Variants in ARHGEF3 observed in about 807,000 individuals in gnomAD.
ARHGEF3 encodes the protein 59.8 kDA protein.
In ARHGEF3, 28 loss-of-function variants were observed where a neutral mutation model predicts 63.2. That is an observed-to-expected ratio of 0.44 (90% CI 0.33 to 0.61). The LOEUF (loss-of-function observed/expected upper bound fraction) is 0.61. ARHGEF3 is among the 20% of genes least tolerant of loss of function. The pLI is 0.03. For synonymous variants in ARHGEF3, 266 were observed against 254.2 expected (o/e 1.05, Z -0.44); for missense variants, 533 against 659.3 (o/e 0.81, Z 2.10).
intron 4 of ARHGEF3, among the ~76,000 whole-genome samples, chr3:56,815,525 G>T (rs2038236546): frequency 6.6e-6 from 1 of 152,138 alleles, no homozygotes. Context: ...GTACTCATTT[G>T]TCAAGAAATG....
intron 3 of ARHGEF3, among the ~76,000 whole-genome samples, chr3:56,918,220 G>A (rs2042034282): frequency 6.6e-6 from 1 of 152,192 alleles, no homozygotes; most frequent in African/African-American, 2.4e-5. Context: ...AATGCGGGAG[G>A]CTCCATCACC....
intron 2 of ARHGEF3, among the ~76,000 whole-genome samples, chr3:56,977,972 C>T (rs1411097495): frequency 6.6e-6 from 1 of 152,072 alleles, no homozygotes; most frequent in Admixed American, 6.6e-5. Context: ...CCTTCCAGCT[C>T]AACAGCCTGA....
intron 4 of ARHGEF3, among the ~76,000 whole-genome samples, chr3:56,838,735 C>T (rs934517177): frequency 1.3e-5 from 2 of 152,084 alleles, no homozygotes; most frequent in African/African-American, 4.8e-5. Flanking sequence ...AGCACAAATT[C>T]CCGGGACCAA....
At chr3:56,815,041 G>A (rs1473343491) in intron 4 of ARHGEF3, among the ~76,000 whole-genome samples, 1 of 152,042 alleles carries the variant, frequency 6.6e-6, no homozygotes, top group Non-Finnish European at 1.5e-5. Context: ...CTACTCAGGA[G>A]GCTGAGGCAG....
intron 2 of ARHGEF3, among the ~76,000 whole-genome samples, chr3:57,014,374 TCCA>T (rs1702876116): frequency 1.3e-5 from 2 of 152,060 alleles, no homozygotes; most frequent in Non-Finnish European, 2.9e-5. Flanking sequence ...GCACCTTCCT[TCCA>T]AACCACGCCC....
chr3:57,006,676 G>A (rs561319060), intron 2 of ARHGEF3, among the ~76,000 whole-genome samples: 3 of 152,126 alleles, frequency 2.0e-5, no homozygotes, highest in Non-Finnish European at 2.9e-5. Flanking sequence ...GAAAATGCTC[G>A]TGTATCAGTG....
At chr3:57,016,963 CAGTG>C (rs1396335209) in intron 2 of ARHGEF3, among the ~76,000 whole-genome samples, 1 of 151,084 alleles carries the variant, frequency 6.6e-6, no homozygotes, top group Non-Finnish European at 1.5e-5. Flanking sequence ...AAACAAGACA[CAGTG>C]AGGCCTGGTG....
At chr3:56,769,317 C>G (rs942252712) in intron 2 of ARHGEF3, among the ~76,000 whole-genome samples, 2 of 152,206 alleles carry the variant, frequency 1.3e-5, no homozygotes, top group African/African-American at 4.8e-5. Flanking sequence ...ACCAGAGGAG[C>G]GCATGAGGTC....
At chr3:57,036,656 G>A (rs1703975297) in intron 1 of ARHGEF3, among the ~76,000 whole-genome samples, 1 of 152,212 alleles carries the variant, frequency 6.6e-6, no homozygotes, top group African/African-American at 2.4e-5. Flanking sequence ...CAAAGAAACA[G>A]CCATCAGTTT....
intron 3 of ARHGEF3, among the ~76,000 whole-genome samples, chr3:56,753,834 C>T (rs1191374517): frequency 1.3e-5 from 2 of 152,178 alleles, no homozygotes; most frequent in Non-Finnish European, 2.9e-5. Flanking sequence ...AACTTTGATG[C>T]AGCTGAACAA....
intron 3 of ARHGEF3, among the ~76,000 whole-genome samples, chr3:56,922,083 A>T (rs1258577038): frequency 6.6e-6 from 1 of 152,202 alleles, no homozygotes. Flanking sequence ...ATGCAAAAAA[A>T]AAAAAGGAAA....
At chr3:56,980,785 A>C (rs1365118084) in intron 2 of ARHGEF3, among the ~76,000 whole-genome samples, 3 of 152,190 alleles carry the variant, frequency 2.0e-5, no homozygotes, top group Non-Finnish European at 4.4e-5. Flanking sequence ...AGGTGCAGAG[A>C]GCTCAAGTAA....
At chr3:56,909,280 T>C (rs913643724) in intron 3 of ARHGEF3, among the ~76,000 whole-genome samples, 3 of 152,188 alleles carry the variant, frequency 2.0e-5, no homozygotes, top group African/African-American at 4.8e-5. Context: ...GTAGTGAAAC[T>C]ATGAGAGGCC....
chr3:56,780,126 A>G (rs1310059229), intron 1 of ARHGEF3, among the ~76,000 whole-genome samples: 1 of 152,236 alleles, frequency 6.6e-6, no homozygotes, highest in Non-Finnish European at 1.5e-5. Flanking sequence ...GTACTGGACT[A>G]TACACCTCTG....
At chr3:56,830,060 G>A (rs776328667) in intron 4 of ARHGEF3, among the ~76,000 whole-genome samples, 1 of 152,216 alleles carries the variant, frequency 6.6e-6, no homozygotes, top group Non-Finnish European at 1.5e-5. Context: ...CAGAGAGGAG[G>A]TGTAATTTGC....
intron 2 of ARHGEF3, among the ~76,000 whole-genome samples, chr3:57,034,354 G>T (rs991383608): frequency 1.3e-5 from 2 of 151,330 alleles, no homozygotes; most frequent in African/African-American, 4.8e-5. Flanking sequence ...AGAGAAGACG[G>T]AGCTGCCAAG....
At chr3:56,828,812 T>C (rs1283565987) in intron 4 of ARHGEF3, among the ~76,000 whole-genome samples, 1 of 152,228 alleles carries the variant, frequency 6.6e-6, no homozygotes, top group Non-Finnish European at 1.5e-5. Flanking sequence ...GTGTTGCTAC[T>C]GGTCTTCCTT....
chr3:56,793,727 T>C (rs1355264773), intron 1 of ARHGEF3, among the ~76,000 whole-genome samples: 1 of 152,254 alleles, frequency 6.6e-6, no homozygotes, highest in Non-Finnish European at 1.5e-5. Flanking sequence ...CTGTTCCTTG[T>C]GTATGAACTA....
chr3:56,922,952 T>A lies in ARHGEF3; in HGVS notation c.129+35871A>T, dbSNP rs909594867. Among the ~76,000 whole-genome samples, 10 of 146,594 alleles carry A rather than the reference T, an allele frequency of 6.8e-5. No homozygotes were observed. In the East Asian group the frequency reaches 2.0e-3, roughly 29 times the overall value. On this transcript the variant is annotated intron_variant, in intron 3 of 12. Transcript: ENST00000338458. ...TGTAATCCCAACACTTTGGGAAGCG[T>A]AGGCGGAAGGATCAGCTGAGGTCAG...
Sources: gnomAD v4.1 joint callset for allele counts (sites outside exome capture counted in the v4.1 genomes callset) on GRCh38, gnomAD v4.1.1 for gene constraint, MANE v1.5 for transcripts, NCBI Gene and HGNC (gene_info 2026-07-23, HGNC 2026-07-21) for gene names.